ALKBH2: variants seen among roughly 807,000 people sequenced by gnomAD.
ALKBH2 encodes the protein DNA oxidative demethylase ALKBH2.
ALKBH2 carries 19 observed loss-of-function variants against 19.7 expected under a neutral mutation model. The observed-to-expected ratio is 0.97, with a 90% confidence interval of 0.67 to 1.42. The LOEUF (loss-of-function observed/expected upper bound fraction) is 1.42, where lower values mean the gene tolerates loss of function less well. ALKBH2 is among the 40% of genes most tolerant of loss of function. The pLI is 0.00. For missense variants in ALKBH2, 310 were observed against 328.5 expected (o/e 0.94, Z 0.43); for synonymous variants, 135 against 131.2 (o/e 1.03, Z -0.20).
chr12:109,089,146 C>T (rs2042018175), intron 3 of ALKBH2, among the ~76,000 whole-genome samples: 1 of 152,250 alleles, frequency 6.6e-6, no homozygotes, highest in African/African-American at 2.4e-5. Flanking sequence ...AGCCCGGCCC[C>T]TGCCCACTGC....
rs137964396 is a variant in ALKBH2, at chr12:109,088,240, A to G, written c.752T>C (p.Leu251Pro). Residue 251 changes from leucine (L) to proline (P), a missense_variant, in exon 4 of 4, where the codon CTG becomes CCG. By Grantham distance (98) the Leu-to-Pro change is moderately conservative. Coordinates refer to ENST00000429722, the MANE Select transcript of ALKBH2 (RefSeq NM_001145374.2). This position sits in a 1 kb window ranked among gnomAD's most constrained non-coding sequence, Gnocchi z 4.2. ...RKKVLAPRVNLTFRKILLTKK is the reference protein window; with the variant it reads ...RKKVLAPRVNPTFRKILLTKK ...AGTAAGCAAAATTTTACGAAAAGTC[A>G]GATTCACCCGTGGAGCCAGAACCTT... The G allele has an allele frequency of 5.6e-6, 9 of 1,598,456 alleles. No individual in the cohort carries two copies. The highest frequency in any genetic ancestry group is 3.4e-6 in the Non-Finnish European group (4 of 1,172,046).
At position 109,090,081 on chromosome 12, in the gene ALKBH2, G is replaced by T; in HGVS notation, c.407C>A (p.Pro136Gln). 1 of 1,614,188 alleles carries T rather than the reference G, an allele frequency of 6.2e-7. No homozygotes were observed. Among genetic ancestry groups the T allele is most frequent in the Non-Finnish European group, 8.5e-7 (1 of 1,180,030 alleles). ...GLTLSPKPWI[P>Q]VLERIRDHVS... Reference sequence around the variant, plus strand: ...GTGATCCCGGATGCGCTCTAGAACTGGGATCCAGGGCTTTGGAGACAGCGT... The same window carrying T: ...GTGATCCCGGATGCGCTCTAGAACTTGGATCCAGGGCTTTGGAGACAGCGT... Residue 136 changes from proline to glutamine, a missense_variant, in exon 3 of 4, where the codon CCA becomes CAA. By Grantham distance (76) the Pro-to-Gln change is moderately conservative. Transcript: ENST00000429722.
intron 3 of ALKBH2, 97 bp downstream of exon 3, chr12:109,089,912 A>G: frequency 7.4e-7 from 1 of 1,342,422 alleles, no homozygotes; most frequent in East Asian, 2.3e-5. Context: ...CTAAGAAATG[A>G]TTTGTACCAA....
rs2042050873 is a variant in ALKBH2 at position 109,090,869 on chromosome 12, T to C, written c.281-662A>G. ...GCCCCAAATGTTCATGTAAGAACAG[T>C]GACTCTTGTTCTACAAGGAGAGAAA... On this transcript the variant is annotated intron_variant, in intron 2 of 3. Coordinates refer to ENST00000429722, the MANE Select transcript of ALKBH2 (RefSeq NM_001145374.2). 3.3e-5 allele frequency among the ~76,000 whole-genome samples: 5 copies of C among 152,352 alleles called. No individual in the cohort carries two copies. The South Asian group carries it at 1.0e-3, about 32-fold the overall frequency.
Position 109,092,494 on chromosome 12 carries a change from C to CACA in ALKBH2, c.280+12_280+13insTGT, listed in dbSNP as rs1555264092. 21 of 1,551,832 alleles carry CACA rather than the reference C, an allele frequency of 1.4e-5. No homozygotes were observed. In the Admixed American group the frequency reaches 1.7e-4, roughly 12 times the overall value. On this transcript the variant is annotated intron_variant, in intron 2 of 3. Coordinates refer to ENST00000429722, the MANE Select transcript of ALKBH2 (RefSeq NM_001145374.2). ...CAATGCACACACACACACACACACA[C>CACA]CCCTCTGCTTACCTGTAAAATATTC... is the stretch of plus-strand genomic sequence containing the variant.
intron 3 of ALKBH2, among the ~76,000 whole-genome samples, chr12:109,089,144 C>A (rs73195462): frequency 0.15 from 22,089 of 152,236 alleles, 1,762 homozygotes; most frequent in Middle Eastern, 0.23. Context: ...ATAGCCCGGC[C>A]CCTGCCCACT....
In ALKBH2 at chr12:109,092,844, A is replaced by C; in HGVS notation, c.-58T>G. The C allele has an allele frequency of 6.5e-7, 1 of 1,540,622 alleles. No individual in the cohort carries two copies. Among genetic ancestry groups the C allele is most frequent in the Non-Finnish European group, 8.7e-7 (1 of 1,147,612 alleles). On this transcript the variant is annotated 5_prime_UTR_variant, in exon 2 of 4. Transcript: ENST00000429722. ...GCGAGGCCAAGACAGAAATTGCTCA[A>C]GTTCTATCCCCAGTGCAAAAATCTG...
In ALKBH2 at chr12:109,090,075, A is replaced by G. The variant is rs1304610175; in HGVS notation, c.413T>C (p.Leu138Pro). 1.9e-6 allele frequency: 3 copies of G among 1,614,224 alleles called. No individual in the cohort carries two copies. Residue 138 changes from leucine (L) to proline (P), a missense_variant, in exon 3 of 4, where the codon CTA (leucine) becomes CCA (proline). Transcript: ENST00000429722. ...TLSPKPWIPVLERIRDHVSGV... is the reference protein window; with the variant it reads ...TLSPKPWIPVPERIRDHVSGV... ...AGAGACGTGATCCCGGATGCGCTCT[A>G]GAACTGGGATCCAGGGCTTTGGAGA...
rs1045346617 is a variant in ALKBH2, at chr12:109,089,899, G to C, written c.479+110C>G. 3.8e-5 allele frequency: 44 copies of C among 1,171,682 alleles called. No individual in the cohort carries two copies. In the African/African-American group the frequency reaches 6.3e-4, roughly 17 times the overall value. The allele number at this position is 1,171,682 out of a possible 1,614,324, so 72.6% of individuals were successfully genotyped here. ...GCTATTCCACTCTTAGAGCCCCAGTGTACTAAGAAATGATTTGTACCAATG... is the reference window on the plus strand; with the variant it reads ...GCTATTCCACTCTTAGAGCCCCAGTCTACTAAGAAATGATTTGTACCAATG... On this transcript the variant is annotated intron_variant, in intron 3 of 3. Coordinates refer to ENST00000429722, the MANE Select transcript of ALKBH2 (RefSeq NM_001145374.2).
Position 109,088,490 on chromosome 12 carries a change from TGTG to T in ALKBH2, c.499_501del (p.His167del), listed in dbSNP as rs1368299052. On this transcript the variant is annotated inframe_deletion, in exon 4 of 4. Coordinates refer to ENST00000429722, the MANE Select transcript of ALKBH2 (RefSeq NM_001145374.2). This position sits in a 1 kb window ranked among gnomAD's most constrained non-coding sequence, Gnocchi z 4.2. ...CTTTCATCATCTCGGTGCTCCCCGA[TGTG>T]GTCACAGCCATCTTTATACCTGCAA... The T allele has an allele frequency of 1.2e-6, 2 of 1,606,076 alleles. No individual in the cohort carries two copies. The highest frequency in any genetic ancestry group is 3.4e-5 in the Admixed American group (2 of 59,518).
chr12:109,088,509 A>G lies in ALKBH2; in HGVS notation c.483T>C (p.Tyr161=). The G allele has an allele frequency of 6.3e-7, 1 of 1,584,646 alleles. No homozygotes were observed. Among genetic ancestry groups the G allele is most frequent in the South Asian group, 1.1e-5 (1 of 89,110 alleles). The change falls in exon 4 of 4, where the codon TAT becomes TAC. Residue 161 remains tyrosine, a synonymous_variant. Coordinates refer to ENST00000429722, the MANE Select transcript of ALKBH2 (RefSeq NM_001145374.2). The surrounding 1 kb of genome is among the most constrained non-coding windows in gnomAD (Gnocchi z 4.2). ...QTFNFVLINR[Y]KDGCDHIGEH... is the part of the protein sequence containing the mutation. Reference sequence around the variant, plus strand: ...CCCCGATGTGGTCACAGCCATCTTTATACCTGCAATGAGAAAACAAACACA... The same window carrying G: ...CCCCGATGTGGTCACAGCCATCTTTGTACCTGCAATGAGAAAACAAACACA...
Position 109,092,720 on chromosome 12 carries a change from T to G in ALKBH2, c.67A>C (p.Thr23Pro), listed in dbSNP as rs760263376. The part of the protein sequence containing the change: ...LLRKQEEQEP[T>P]GEEPAVLGGD... ...CCCAACACAGCTGGCTCTTCTCCAG[T>G]TGGCTCTTGCTCCTCCTGCTTCCTC... Residue 23 changes from threonine (T) to proline (P), a missense_variant, in exon 2 of 4, where the codon ACT becomes CCT. Transcript: ENST00000429722. 1.2e-6 allele frequency: 2 copies of G among 1,613,992 alleles called. No homozygotes were observed. The highest frequency in any genetic ancestry group is 1.7e-6 in the Non-Finnish European group (2 of 1,179,980).
Position 109,090,188 on chromosome 12 carries a change from C to G in ALKBH2, c.300G>C (p.Gln100His). 1.2e-6 allele frequency: 2 copies of G among 1,613,818 alleles called. No individual in the cohort carries two copies. Among genetic ancestry groups the G allele is most frequent in the South Asian group, 2.2e-5 (2 of 91,080 alleles). ...GCACACTGTGCCACTTCCCGAATACCTGGACTCTGGCCAGTGCTCCTGTGC... is the reference window on the plus strand; with the variant it reads ...GCACACTGTGCCACTTCCCGAATACGTGGACTCTGGCCAGTGCTCCTGTGC... Reference protein sequence around the residue: ...EYFTGALARVQVFGKWHSVPR... With the variant: ...EYFTGALARVHVFGKWHSVPR... Residue 100 changes from glutamine (Q) to histidine (H), a missense_variant, in exon 3 of 4, where the codon CAG becomes CAC. Physicochemically the swap from Gln to His is conservative, Grantham distance 24. Transcript: ENST00000429722.
intron 2 of ALKBH2, among the ~76,000 whole-genome samples, chr12:109,091,331 A>C (rs1273427088): frequency 6.6e-6 from 1 of 152,070 alleles, no homozygotes; most frequent in East Asian, 1.9e-4. Context: ...GGCTGCAGTG[A>C]GCCAAGATCG....
chr12:109,090,230 T>C (rs1293890616), intron 2 of ALKBH2, 23 bp from the exon 3 acceptor site: 1 of 1,608,158 alleles, frequency 6.2e-7, no homozygotes, highest in Non-Finnish European at 8.5e-7. Flanking sequence ...AACATGGCAG[T>C]TCCTTTCTAC....
chr12:109,091,675 C>G (rs572488506), intron 2 of ALKBH2, among the ~76,000 whole-genome samples: 1 of 151,796 alleles, frequency 6.6e-6, no homozygotes, highest in Non-Finnish European at 1.5e-5. Flanking sequence ...GTAGCTGGGA[C>G]TACAGGCATG....
chr12:109,091,929 TC>T (rs1372262986), intron 2 of ALKBH2, among the ~76,000 whole-genome samples: 1 of 152,140 alleles, frequency 6.6e-6, no homozygotes. Flanking sequence ...CAACATGTGC[TC>T]CCCAGACCAG....
At chr12:109,092,417 T>C in intron 2 of ALKBH2, 90 bp downstream of exon 2, 4 of 1,428,044 alleles carry the variant, frequency 2.8e-6, no homozygotes, top group Non-Finnish European at 3.7e-6. Flanking sequence ...TAATGGATCC[T>C]GAGTTCAGAT....
At chr12:109,090,631 G>C (rs1297159898) in intron 2 of ALKBH2, among the ~76,000 whole-genome samples, 2 of 151,888 alleles carry the variant, frequency 1.3e-5, no homozygotes, top group African/African-American at 2.4e-5. Context: ...CACCTCCAGG[G>C]CTCCAGCAGC....
Sources: gnomAD v4.1 joint callset for allele counts (sites outside exome capture counted in the v4.1 genomes callset) on GRCh38, gnomAD v4.1.1 for gene constraint, Gnocchi (gnomAD v3.1) non-coding constraint, MANE v1.5 for transcripts, NCBI Gene and HGNC (gene_info 2026-07-23, HGNC 2026-07-21) for gene names.